Variants in MTA3 observed in about 807,000 individuals in gnomAD.
MTA3 encodes the protein metastasis associated 1 family member 3, also known as metastasis-associated protein MTA3.
Under a neutral mutation model 83.5 loss-of-function variants are expected in MTA3, and 34 were observed. The ratio of observed to expected loss-of-function variants is 0.41; its 90% CI spans 0.31 to 0.54. The LOEUF (loss-of-function observed/expected upper bound fraction) is 0.54, where lower values mean the gene tolerates loss of function less well. MTA3 is among the 20% of genes least tolerant of loss of function. MTA3 has a pLI of 0.33. For synonymous variants in MTA3, 303 were observed against 252.7 expected, an observed-to-expected ratio of 1.20 and a Z score of -1.89; for missense variants, 761 against 726.4, an observed-to-expected ratio of 1.05 and a Z score of -0.55.
At chr2:42,626,658 G>A (rs952877324) in intron 4 of MTA3, among the ~76,000 whole-genome samples, 2 of 152,096 alleles carry the variant, frequency 1.3e-5, no homozygotes, top group Non-Finnish European at 2.9e-5. Context: ...ACTTTTCTAA[G>A]TCTTACCCTC....
intron 4 of MTA3, among the ~76,000 whole-genome samples, chr2:42,633,288 AAGC>A (rs1486764573): frequency 6.6e-6 from 1 of 151,972 alleles, no homozygotes. Flanking sequence ...AAAAAAAAAA[AAGC>A]AGAGGTCCAG....
chr2:42,657,184 A>G (rs963356778), intron 7 of MTA3, among the ~76,000 whole-genome samples: 1 of 152,240 alleles, frequency 6.6e-6, no homozygotes, highest in South Asian at 2.1e-4. Flanking sequence ...TGGACAGTGG[A>G]TGCAAGGGTC....
At chr2:42,498,354 G>T (rs1485379430) in intron 2 of MTA3, among the ~76,000 whole-genome samples, 1 of 152,214 alleles carries the variant, frequency 6.6e-6, no homozygotes, top group Non-Finnish European at 1.5e-5. Flanking sequence ...AAGACCACCA[G>T]GATGGCTGAA....
chr2:42,638,102 A>C (rs1477507424), intron 4 of MTA3, among the ~76,000 whole-genome samples: 3 of 152,216 alleles, frequency 2.0e-5, no homozygotes, highest in Non-Finnish European at 2.9e-5. Flanking sequence ...CCCCATTAAA[A>C]CAAGCAAATC....
chr2:42,642,082 C>G (rs1215266211), intron 5 of MTA3, among the ~76,000 whole-genome samples: 1 of 152,020 alleles, frequency 6.6e-6, no homozygotes, highest in Non-Finnish European at 1.5e-5. Flanking sequence ...CAAAGAATAA[C>G]TTTTTAATTA....
At chr2:42,674,537 A>G (rs1364695855) in intron 8 of MTA3, among the ~76,000 whole-genome samples, 2 of 151,682 alleles carry the variant, frequency 1.3e-5, no homozygotes, top group African/African-American at 4.8e-5. Flanking sequence ...TATTGAAAAC[A>G]TGGTATCTTT....
chr2:42,733,531 A>G (rs1392865952), intron 16 of MTA3, among the ~76,000 whole-genome samples: 2 of 152,236 alleles, frequency 1.3e-5, no homozygotes, highest in African/African-American at 2.4e-5. Context: ...TGCTTTTGCT[A>G]TATCCCATAG....
chr2:42,575,238 CT>C (rs1678913436), intron 2 of MTA3, among the ~76,000 whole-genome samples: 1 of 152,140 alleles, frequency 6.6e-6, no homozygotes, highest in Non-Finnish European at 1.5e-5. Context: ...ACCCCTTGCT[CT>C]TTTTTCCATA....
intron 4 of MTA3, among the ~76,000 whole-genome samples, chr2:42,621,545 A>T (rs939358993): frequency 6.6e-6 from 1 of 152,246 alleles, no homozygotes; most frequent in East Asian, 1.9e-4. Context: ...ACACAGACAC[A>T]GCAACAATCT....
At chr2:42,636,971 A>G (rs2104285902) in intron 4 of MTA3, among the ~76,000 whole-genome samples, 1 of 152,330 alleles carries the variant, frequency 6.6e-6, no homozygotes, top group African/African-American at 2.4e-5. Context: ...GATAAAAGAA[A>G]TATATAACCT....
chr2:42,567,254 A>G (rs758645610), upstream of MTA3, among the ~76,000 whole-genome samples: 14 of 152,206 alleles, frequency 9.2e-5, no homozygotes, highest in Admixed American at 7.2e-4. Context: ...TGAAGGGGGA[A>G]CTCACGTCCC....
chr2:42,499,458 G>A (rs899253046), intron 2 of MTA3, among the ~76,000 whole-genome samples: 3 of 149,158 alleles, frequency 2.0e-5, no homozygotes, highest in Admixed American at 6.7e-5. Flanking sequence ...GAGCCACCAC[G>A]CCCGGCGAGG....
intron 12 of MTA3, among the ~76,000 whole-genome samples, chr2:42,705,948 A>G (rs1666043859): frequency 6.6e-6 from 1 of 152,208 alleles, no homozygotes; most frequent in Non-Finnish European, 1.5e-5. Context: ...CCTACTTTCC[A>G]ATTGAATTTG....
chr2:42,604,938 T>C (rs1026098276), intron 3 of MTA3, among the ~76,000 whole-genome samples: 8 of 149,536 alleles, frequency 5.3e-5, no homozygotes, highest in African/African-American at 1.7e-4. Context: ...GGCAGAGGAA[T>C]TTTTCTTAGT....
chr2:42,746,850 C>T (rs1217479281), intron 16 of MTA3, among the ~76,000 whole-genome samples: 1 of 152,234 alleles, frequency 6.6e-6, no homozygotes, highest in African/African-American at 2.4e-5. Flanking sequence ...CAGAAGCTCT[C>T]CAAACTCTGC....
chr2:42,571,803 T>C (rs1318679213), intron 2 of MTA3, among the ~76,000 whole-genome samples: 1 of 151,664 alleles, frequency 6.6e-6, no homozygotes, highest in Non-Finnish European at 1.5e-5. Flanking sequence ...CAAAATTAGC[T>C]GAGTGTGTTG....
chr2:42,729,095 T>TTTTTTTTTG (rs1364270969), intron 16 of MTA3, among the ~76,000 whole-genome samples: 1 of 119,680 alleles, frequency 8.4e-6, no homozygotes, highest in African/African-American at 3.4e-5. Context: ...AGTTTTTTTT[T>TTTTTTTTTG]TTTTTTTTTT....
chr2:42,589,045 A>G (rs947315842), intron 3 of MTA3, among the ~76,000 whole-genome samples: 1 of 152,122 alleles, frequency 6.6e-6, no homozygotes, highest in Admixed American at 6.6e-5. Flanking sequence ...CTTAACTTCG[A>G]GTCAGCTGAT....
intron 2 of MTA3, among the ~76,000 whole-genome samples, chr2:42,549,808 T>C (rs988873103): frequency 6.7e-6 from 1 of 148,476 alleles, no homozygotes; most frequent in African/African-American, 2.5e-5. Context: ...TAACATGAAA[T>C]CTTGGGCCAC....
Sources: allele counts gnomAD v4.1 joint callset (sites outside exome capture counted in the v4.1 genomes callset), GRCh38; gene constraint gnomAD v4.1.1; transcripts MANE v1.5; gene names NCBI Gene and HGNC (gene_info 2026-07-23, HGNC 2026-07-21).